The following CTIF variants were observed in gnomAD, a reference collection of about 807,000 sequenced individuals.
CTIF encodes the protein cap binding complex dependent translation initiation factor, also known as CBP80/20-dependent translation initiation factor.
In CTIF, 21 loss-of-function variants were observed where a neutral mutation model predicts 66.0. The ratio of observed to expected loss-of-function variants is 0.32; its 90% CI spans 0.23 to 0.46. CTIF has a LOEUF of 0.46. CTIF is among the 20% of genes least tolerant of loss of function. The pLI, the probability that CTIF is intolerant of heterozygous loss-of-function variation, is 1.00. For missense variants in CTIF, 739 were observed against 812.7 expected (o/e 0.91, Z 1.10); for synonymous variants, 345 against 326.4 (o/e 1.06, Z -0.62).
At chr18:48,816,602 A>G (rs2068368497) in intron 9 of CTIF, among the ~76,000 whole-genome samples, 1 of 152,158 alleles carries the variant, frequency 6.6e-6, no homozygotes, top group African/African-American at 2.4e-5. Context: ...AATATGTCTT[A>G]TCTTAGCTCC....
chr18:48,831,196 C>G (rs966264655), intron 10 of CTIF, among the ~76,000 whole-genome samples: 2 of 152,268 alleles, frequency 1.3e-5, no homozygotes, highest in African/African-American at 4.8e-5. Context: ...CCAAAAGGGG[C>G]ATTTGTGCCC....
chr18:48,591,128 G>C (rs2089878778), intron 1 of CTIF, among the ~76,000 whole-genome samples: 1 of 152,246 alleles, frequency 6.6e-6, no homozygotes, highest in Admixed American at 6.5e-5. Flanking sequence ...TCTAGTGACT[G>C]ATCCATCTCC....
intron 2 of CTIF, among the ~76,000 whole-genome samples, chr18:48,630,802 A>G (rs2090694664): frequency 1.3e-5 from 2 of 151,858 alleles, no homozygotes; most frequent in Non-Finnish European, 2.9e-5. Context: ...CAGCCTCCCA[A>G]GTAGCTGGGA....
intron 2 of CTIF, among the ~76,000 whole-genome samples, chr18:48,622,549 G>A (rs73443357): frequency 9.5e-4 from 145 of 152,176 alleles, no homozygotes; most frequent in African/African-American, 3.4e-3. Flanking sequence ...GTGGCCTGGC[G>A]GTCTACAGCT....
chr18:48,729,520 G>C (rs748173257), intron 7 of CTIF, among the ~76,000 whole-genome samples: 12 of 152,212 alleles, frequency 7.9e-5, no homozygotes, highest in Non-Finnish European at 1.5e-4. Flanking sequence ...CTGGGAGGCA[G>C]TAGGATGAGA....
chr18:48,859,535 A>C lies in CTIF; in HGVS notation c.1773A>C (p.Arg591Ser), dbSNP rs1218422772. The C allele has an allele frequency of 6.2e-7, 1 of 1,614,008 alleles. No homozygotes were observed. Among genetic ancestry groups the C allele is most frequent in the East Asian group, 2.2e-5 (1 of 44,872 alleles). The change falls in exon 12 of 12, where the codon AGA (arginine) becomes AGC (serine). Residue 591 changes from arginine to serine, a missense_variant. By Grantham distance (110) the Arg-to-Ser change is moderately radical (BLOSUM62 -1). Transcript: ENST00000256413. Reference protein sequence around the residue: ...LTPPITQYYNRTIQKLTA With the variant: ...LTPPITQYYNSTIQKLTA ...CCCCCATCACGCAGTACTACAACAG[A>C]ACCATCCAGAAACTGACAGCCTGAC...
At chr18:48,788,013 G>T (rs11877669) in intron 9 of CTIF, among the ~76,000 whole-genome samples, 53,307 of 152,004 alleles carry the variant, frequency 0.35, 9,547 homozygotes, top group Admixed American at 0.45. Context: ...GCTGGGGCCA[G>T]GCACTTCTTC....
chr18:48,685,200 G>A (rs1156808538), intron 6 of CTIF, among the ~76,000 whole-genome samples: 1 of 151,410 alleles, frequency 6.6e-6, no homozygotes, highest in East Asian at 1.9e-4. Context: ...TTTGTTTGAT[G>A]TTTCTTCATA....
rs113690824 is a variant in CTIF, at chr18:48,602,332, C to A, written c.-28-17206C>A. On this transcript the variant is annotated intron_variant, in intron 1 of 11. Coordinates refer to ENST00000256413, the MANE Select transcript of CTIF (RefSeq NM_014772.3). ...TCATAAAACAGTAAGAATTGTCAGT[C>A]TCATGCATGCTAAACAATGCCACGA... is the stretch of plus-strand genomic sequence containing the variant. Among the ~76,000 whole-genome samples, 152 of 152,312 alleles carry A rather than the reference C, an allele frequency of 1.0e-3. 1 individual carries two copies. The highest frequency in any genetic ancestry group is 3.5e-3 in the African/African-American group (147 of 41,574).
chr18:48,587,318 G>C (rs1432906390), intron 1 of CTIF, among the ~76,000 whole-genome samples: 1 of 152,106 alleles, frequency 6.6e-6, no homozygotes, highest in Non-Finnish European at 1.5e-5. Flanking sequence ...CTGACCTCAT[G>C]ATCCATCCAC....
intron 10 of CTIF, among the ~76,000 whole-genome samples, chr18:48,824,258 A>G (rs1013745622): frequency 1.3e-5 from 2 of 152,216 alleles, no homozygotes; most frequent in African/African-American, 2.4e-5. Flanking sequence ...ACATCCCATG[A>G]GCATTTTATA....
At chr18:48,748,802 A>G (rs9946354) in intron 7 of CTIF, among the ~76,000 whole-genome samples, 15,064 of 152,232 alleles carry the variant, frequency 0.099, 869 homozygotes, top group Non-Finnish European at 0.12. Flanking sequence ...GGCAACAGCT[A>G]ACTAGTGAGG....
intron 1 of CTIF, among the ~76,000 whole-genome samples, chr18:48,615,832 A>G (rs1246998908): frequency 6.6e-6 from 1 of 152,018 alleles, no homozygotes; most frequent in East Asian, 1.9e-4. Flanking sequence ...CTGGCTGGGC[A>G]GCAAACACTA....
At chr18:48,572,065 C>T (rs989685482) in intron 1 of CTIF, among the ~76,000 whole-genome samples, 1 of 151,544 alleles carries the variant, frequency 6.6e-6, no homozygotes, top group African/African-American at 2.4e-5. Context: ...TTCTCCTTCC[C>T]CCTCACCGTT....
At chr18:48,543,829 A>G (rs1568021653) in intron 1 of CTIF, among the ~76,000 whole-genome samples, 2 of 152,222 alleles carry the variant, frequency 1.3e-5, no homozygotes. Flanking sequence ...AGAACTCTTT[A>G]TCTTCTTCTC....
intron 6 of CTIF, 61 bp downstream of exon 6, chr18:48,670,805 C>G (rs2091521386): frequency 7.1e-7 from 1 of 1,407,572 alleles, no homozygotes; most frequent in African/African-American, 1.4e-5. Context: ...TGATCCTCTT[C>G]CTGGACAGGA....
intron 6 of CTIF, among the ~76,000 whole-genome samples, chr18:48,694,937 T>C (rs2091983831): frequency 6.6e-6 from 1 of 152,238 alleles, no homozygotes; most frequent in Non-Finnish European, 1.5e-5. Context: ...CTCATCTTTG[T>C]CCATCTAATC....
chr18:48,734,781 A>G (rs1430770383), intron 7 of CTIF, among the ~76,000 whole-genome samples: 1 of 151,978 alleles, frequency 6.6e-6, no homozygotes, highest in Admixed American at 6.6e-5. Flanking sequence ...GGGGCTGGAG[A>G]GGAGGTTTTG....
chr18:48,704,900 G>C (rs927506963), intron 6 of CTIF, among the ~76,000 whole-genome samples: 8 of 152,312 alleles, frequency 5.3e-5, no homozygotes, highest in African/African-American at 1.2e-4. Context: ...GCATGGGAGA[G>C]AGGCACAGGC....
Sources: allele counts gnomAD v4.1 joint callset (sites outside exome capture counted in the v4.1 genomes callset), GRCh38; gene constraint gnomAD v4.1.1; transcripts MANE v1.5; gene names NCBI Gene and HGNC (gene_info 2026-07-23, HGNC 2026-07-21).